The following CDH18 variants were observed in gnomAD, a reference collection of about 807,000 sequenced individuals.
CDH18 encodes cadherin-18.
A neutral mutation model predicts 67.9 loss-of-function variants in CDH18; 31 were observed. The observed-to-expected ratio is 0.46, with a 90% CI of 0.34 to 0.62. The LOEUF (loss-of-function observed/expected upper bound fraction) is 0.62, where lower values mean the gene tolerates loss of function less well. CDH18 is among the 20% of genes least tolerant of loss of function. The pLI is 0.01. For synonymous variants in CDH18, 362 were observed against 347.2 expected, an observed-to-expected ratio of 1.04 and a Z score of -0.48; for missense variants, 890 against 975.5, an observed-to-expected ratio of 0.91 and a Z score of 1.17.
intron 5 of CDH18, among the ~76,000 whole-genome samples, chr5:19,623,982 C>CATT (rs70950078): frequency 0.28 from 38,458 of 139,594 alleles, 5,355 homozygotes; most frequent in East Asian, 0.37. Flanking sequence ...TGTCACACTC[C>CATT]ATTATTATTA....
At chr5:19,614,623 T>C (rs1304749867) in intron 5 of CDH18, among the ~76,000 whole-genome samples, 1 of 152,014 alleles carries the variant, frequency 6.6e-6, no homozygotes, top group Non-Finnish European at 1.5e-5. Context: ...TGGGGAGAAA[T>C]ATGAGATTAT....
Position 20,304,063 on chromosome 5 carries a change from C to T in CDH18, c.-579-48558G>A, listed in dbSNP as rs1438713009. On this transcript the variant is annotated intron_variant, in intron 1 of 14. Transcript: ENST00000507958. The stretch of plus-strand genomic sequence containing the variant: ...CGCGTGTTCAGGCATCCTTTTTCTC[C>T]AGTAAAATTTTGTGCAACTCGTCTG... 4 of 1,604,354 alleles carry T rather than the reference C, an allele frequency of 2.5e-6. No homozygotes were observed. In the African/African-American group the frequency reaches 4.0e-5, roughly 16 times the overall value.
At chr5:20,172,140 A>G (rs1736766773) in intron 2 of CDH18, among the ~76,000 whole-genome samples, 1 of 140,554 alleles carries the variant, frequency 7.1e-6, no homozygotes, top group Admixed American at 7.4e-5. Flanking sequence ...CCTTTTCAAC[A>G]TAAGGTCAAT....
At chr5:20,122,731 C>T (rs917126204) in intron 2 of CDH18, among the ~76,000 whole-genome samples, 7 of 150,310 alleles carry the variant, frequency 4.7e-5, no homozygotes, top group South Asian at 2.1e-4. Flanking sequence ...ATACCAAGTA[C>T]GAATGTTTGA....
At chr5:19,554,739 G>T (rs1738085443) in intron 8 of CDH18, among the ~76,000 whole-genome samples, 1 of 152,048 alleles carries the variant, frequency 6.6e-6, no homozygotes, top group Admixed American at 6.6e-5. Flanking sequence ...TCACAAGATG[G>T]TGACATTAGG....
chr5:20,068,674 T>C (rs1454849734), intron 2 of CDH18, among the ~76,000 whole-genome samples: 1 of 152,170 alleles, frequency 6.6e-6, no homozygotes, highest in Non-Finnish European at 1.5e-5. Flanking sequence ...ATATTTTAAA[T>C]ATTTAATATC....
At chr5:20,431,428 A>G (rs2150175790) in intron 1 of CDH18, among the ~76,000 whole-genome samples, 1 of 144,608 alleles carries the variant, frequency 6.9e-6, no homozygotes, top group African/African-American at 2.5e-5. Flanking sequence ...AGAAAGGTGG[A>G]GGCTGCAGTG....
chr5:19,758,652 C>T (rs945591613), intron 3 of CDH18, among the ~76,000 whole-genome samples: 1 of 152,226 alleles, frequency 6.6e-6, no homozygotes, highest in African/African-American at 2.4e-5. Flanking sequence ...AATAGCCCCA[C>T]TAAGCATTGC....
chr5:19,561,692 G>A (rs1170437219), intron 8 of CDH18, among the ~76,000 whole-genome samples: 1 of 152,008 alleles, frequency 6.6e-6, no homozygotes, highest in Admixed American at 6.6e-5. Context: ...ACAAGTAGTT[G>A]TATGACTAAA....
chr5:19,659,209 A>G (rs1756833595), intron 5 of CDH18, among the ~76,000 whole-genome samples: 1 of 152,146 alleles, frequency 6.6e-6, no homozygotes, highest in South Asian at 2.1e-4. Flanking sequence ...CTATAATTAA[A>G]TAATAACTGC....
At chr5:19,503,222 CTTGAG>C in intron 10 of CDH18, 113 bp from the exon 11 acceptor site, 1 of 604,620 alleles carries the variant, frequency 1.7e-6, no homozygotes, top group Non-Finnish European at 2.9e-6. Flanking sequence ...TTTCTTCCAA[CTTGAG>C]TTATTTTTCA....
intron 1 of CDH18, among the ~76,000 whole-genome samples, chr5:20,358,173 C>T (rs543804034): frequency 1.1e-4 from 17 of 152,170 alleles, no homozygotes; most frequent in Admixed American, 4.6e-4. Flanking sequence ...GAGGGAGGGG[C>T]GCGAAGGCTG....
At chr5:20,186,684 C>T (rs1016050335) in intron 2 of CDH18, among the ~76,000 whole-genome samples, 1 of 151,832 alleles carries the variant, frequency 6.6e-6, no homozygotes, top group Admixed American at 6.6e-5. Context: ...AATGTTAGAT[C>T]CCTTGTACAT....
chr5:20,475,051 GA>G (rs201804933), intron 1 of CDH18, among the ~76,000 whole-genome samples: 3,701 of 152,022 alleles, frequency 0.024, 138 homozygotes, highest in African/African-American at 0.076. Flanking sequence ...TTTATTTCCA[GA>G]AAAAACTTGA....
chr5:19,709,508 A>G (rs1764424836), intron 5 of CDH18, among the ~76,000 whole-genome samples: 1 of 152,022 alleles, frequency 6.6e-6, no homozygotes, highest in African/African-American at 2.4e-5. Flanking sequence ...CAGAGGCTGC[A>G]GTGAGCCGAG....
At chr5:19,712,706 A>T (rs1764858817) in intron 5 of CDH18, among the ~76,000 whole-genome samples, 1 of 150,592 alleles carries the variant, frequency 6.6e-6, no homozygotes, top group Non-Finnish European at 1.5e-5. Context: ...ACATATATGT[A>T]TATATAATAG....
chr5:19,592,079 A>G (rs1466631760), intron 6 of CDH18, among the ~76,000 whole-genome samples: 1 of 152,074 alleles, frequency 6.6e-6, no homozygotes, highest in Non-Finnish European at 1.5e-5. Flanking sequence ...ACAAGTTAAT[A>G]TTCAATTTTA....
intron 1 of CDH18, among the ~76,000 whole-genome samples, chr5:20,264,271 T>G (rs1051461571): frequency 6.6e-6 from 1 of 152,018 alleles, no homozygotes; most frequent in Admixed American, 6.6e-5. Flanking sequence ...CTTGACCAAG[T>G]TACTAGTTTG....
chr5:20,416,047 G>A (rs986823706), intron 1 of CDH18, among the ~76,000 whole-genome samples: 7 of 152,020 alleles, frequency 4.6e-5, no homozygotes, highest in Admixed American at 2.0e-4. Context: ...AGATAAGTAC[G>A]TTCTAGAAAA....
Sources: gnomAD v4.1 joint callset for allele counts (sites outside exome capture counted in the v4.1 genomes callset) on GRCh38, gnomAD v4.1.1 for gene constraint, MANE v1.5 for transcripts, NCBI Gene and HGNC (gene_info 2026-07-23, HGNC 2026-07-21) for gene names.